Variants in LPXN observed in about 807,000 individuals in gnomAD.
LPXN encodes leupaxin.
Under a neutral mutation model 45.6 loss-of-function variants are expected in LPXN, and 28 were observed. That is an observed-to-expected ratio of 0.61 (90% CI 0.45 to 0.84). The LOEUF (loss-of-function observed/expected upper bound fraction) is 0.84. LPXN is among the 40% of genes least tolerant of loss of function. LPXN has a pLI of 0.00. For synonymous variants in LPXN, 166 were observed against 169.9 expected (o/e 0.98, Z 0.18); for missense variants, 459 against 475.0 (o/e 0.97, Z 0.31).
intron 3 of LPXN, among the ~76,000 whole-genome samples, chr11:58,558,108 G>A (rs966460995): frequency 9.3e-5 from 14 of 150,812 alleles, no homozygotes; most frequent in African/African-American, 2.9e-4. Context: ...CTGGAGTTGC[G>A]AACAACCTGG....
At chr11:58,543,746 G>A (rs1853799012) in intron 7 of LPXN, among the ~76,000 whole-genome samples, 1 of 152,106 alleles carries the variant, frequency 6.6e-6, no homozygotes, top group African/African-American at 2.4e-5. Context: ...AGTATCAGCT[G>A]AGCACAAATA....
chr11:58,577,973 T>C, upstream of LPXN: 1 of 1,547,706 alleles, frequency 6.5e-7, no homozygotes, highest in Non-Finnish European at 8.7e-7. Context: ...TGGAACCAGA[T>C]TTAGTCGCTG....
chr11:58,574,771 T>G (rs1202786545), intron 1 of LPXN, among the ~76,000 whole-genome samples: 1 of 152,250 alleles, frequency 6.6e-6, no homozygotes, highest in East Asian at 1.9e-4. Flanking sequence ...TTCTCTTCAT[T>G]AACATCTCTT....
At chr11:58,573,495 T>C (rs1854778260) in intron 1 of LPXN, among the ~76,000 whole-genome samples, 3 of 152,170 alleles carry the variant, frequency 2.0e-5, no homozygotes, top group Non-Finnish European at 4.4e-5. Flanking sequence ...ATAAAGATTA[T>C]AAGAGAGAAG....
chr11:58,553,335 CAAAAAAAAA>C (rs35629114), intron 4 of LPXN, among the ~76,000 whole-genome samples: 1 of 68,426 alleles, frequency 1.5e-5, no homozygotes, highest in Non-Finnish European at 2.7e-5. Context: ...GAATCTGTCT[CAAAAAAAAA>C]AAAAAAAAAA....
chr11:58,577,303 G>C (rs999920266), upstream of LPXN, among the ~76,000 whole-genome samples: 2 of 152,140 alleles, frequency 1.3e-5, no homozygotes, highest in African/African-American at 4.8e-5. Flanking sequence ...AATGACATTA[G>C]CCCTATGAAA....
intron 7 of LPXN, among the ~76,000 whole-genome samples, chr11:58,547,281 G>T (rs954554): frequency 2.6e-5 from 4 of 152,170 alleles, no homozygotes; most frequent in African/African-American, 9.6e-5. Flanking sequence ...GGGTTCACTA[G>T]GAGGGAACAA....
chr11:58,532,033 G>A (rs540704362), intron 7 of LPXN, among the ~76,000 whole-genome samples: 257 of 152,360 alleles, frequency 1.7e-3, no homozygotes, highest in African/African-American at 5.9e-3. Context: ...AGCAGGCCCC[G>A]CACTCAGAGT....
At chr11:58,542,703 GATA>G (rs1853766830) in intron 7 of LPXN, among the ~76,000 whole-genome samples, 1 of 151,822 alleles carries the variant, frequency 6.6e-6, no homozygotes, top group African/African-American at 2.4e-5. Context: ...TGGAATAATT[GATA>G]ATGTTAAAAT....
Position 58,544,160 on chromosome 11 carries a change from G to A in LPXN, c.742+5626C>T, listed in dbSNP as rs530581913. Among the ~76,000 whole-genome samples, 15 of 152,090 alleles carry A rather than the reference G, an allele frequency of 9.9e-5. No individual in the cohort carries two copies. The South Asian group carries it at 2.7e-3, about 27-fold the overall frequency. ...TATTTACTCTGTCAAATGATGTCTA[G>A]GGTCTATTCAAGGGAAACTGAATAC... On this transcript the variant is annotated intron_variant, in intron 7 of 8. Transcript: ENST00000395074.
intron 2 of LPXN, among the ~76,000 whole-genome samples, chr11:58,569,551 G>A (rs12362218): frequency 0.4 from 60,282 of 151,622 alleles, 12,080 homozygotes; most frequent in Middle Eastern, 0.53. Context: ...ACCACACCCT[G>A]CTCATTTTTT....
chr11:58,535,514 G>T (rs958212863), intron 7 of LPXN, among the ~76,000 whole-genome samples: 6 of 152,084 alleles, frequency 3.9e-5, no homozygotes, highest in African/African-American at 9.7e-5. Context: ...TTGATGGAAT[G>T]TATCTCAAAA....
At chr11:58,552,531 C>G (rs1308433502) in intron 4 of LPXN, among the ~76,000 whole-genome samples, 2 of 152,188 alleles carry the variant, frequency 1.3e-5, no homozygotes, top group Non-Finnish European at 1.5e-5. Context: ...TTTTATCTTT[C>G]CCAATTTCAT....
At chr11:58,549,898 A>G in intron 6 of LPXN, 31 bp from the exon 7 acceptor site, 1 of 1,613,852 alleles carries the variant, frequency 6.2e-7, no homozygotes, top group Non-Finnish European at 8.5e-7. Context: ...TATTATAATG[A>G]TGCAGAAGTT....
chr11:58,527,933 A>C (rs1853275541), intron 8 of LPXN, 110 bp downstream of exon 8: 2 of 1,307,270 alleles, frequency 1.5e-6, no homozygotes, highest in Admixed American at 4.3e-5. Context: ...GGATGCGCAC[A>C]TCCATTCCTC....
At chr11:58,544,029 G>A (rs1050251690) in intron 7 of LPXN, among the ~76,000 whole-genome samples, 1 of 152,038 alleles carries the variant, frequency 6.6e-6, no homozygotes, top group African/African-American at 2.4e-5. Flanking sequence ...AGACAATTTA[G>A]CAGAATTTTG....
At chr11:58,576,759 C>T (rs1854904333), upstream of LPXN, among the ~76,000 whole-genome samples, 1 of 152,114 alleles carries the variant, frequency 6.6e-6, no homozygotes, top group Admixed American at 6.6e-5. Context: ...TGGGATCTTT[C>T]CTCTACAACA....
At chr11:58,567,349 T>C (rs563714714) in intron 2 of LPXN, among the ~76,000 whole-genome samples, 4 of 152,352 alleles carry the variant, frequency 2.6e-5, no homozygotes, top group South Asian at 2.1e-4. Context: ...TTTATTTTGA[T>C]TGTTTGAATT....
intron 7 of LPXN, among the ~76,000 whole-genome samples, chr11:58,538,223 C>G (rs901404645): frequency 9.9e-5 from 15 of 152,116 alleles, no homozygotes; most frequent in Admixed American, 4.6e-4. Flanking sequence ...AATAGTGCCG[C>G]CATAAACATA....
Sources: allele counts gnomAD v4.1 joint callset (sites outside exome capture counted in the v4.1 genomes callset), GRCh38; gene constraint gnomAD v4.1.1; transcripts MANE v1.5; gene names NCBI Gene and HGNC (gene_info 2026-07-23, HGNC 2026-07-21).